Variants in GALNT10 observed in about 807,000 individuals in gnomAD.
GALNT10 encodes the protein GalNAc transferase 10.
In GALNT10, 41 loss-of-function variants were observed where a neutral mutation model predicts 75.0. That is an observed-to-expected ratio of 0.55 (90% CI 0.43 to 0.71). The LOEUF is 0.71. Among genes scored for constraint, GALNT10 ranks in the 30% least tolerant of loss-of-function variants. The probability of loss-of-function intolerance (pLI) is 0.00; values close to 1 mark genes in which losing one functional copy is unlikely to be tolerated. For missense variants in GALNT10, 727 were observed against 818.5 expected (o/e 0.89, Z 1.36); for synonymous variants, 302 against 313.0 (o/e 0.96, Z 0.37).
At chr5:154,355,922 G>A (rs1278425286) in intron 4 of GALNT10, among the ~76,000 whole-genome samples, 1 of 152,110 alleles carries the variant, frequency 6.6e-6, no homozygotes, top group Non-Finnish European at 1.5e-5. Context: ...TCTACACCAA[G>A]GCACCTACCT....
chr5:154,282,033 G>T (rs1425631958), intron 1 of GALNT10, among the ~76,000 whole-genome samples: 5 of 152,220 alleles, frequency 3.3e-5, no homozygotes, highest in Non-Finnish European at 7.3e-5. Flanking sequence ...AATGTATAAA[G>T]AAAAGAAGCG....
intron 3 of GALNT10, among the ~76,000 whole-genome samples, chr5:154,318,020 G>C (rs1754620081): frequency 6.6e-6 from 1 of 152,228 alleles, no homozygotes; most frequent in East Asian, 1.9e-4. Context: ...TCTCAGCAAA[G>C]ACTTTCTCTG....
chr5:154,366,784 A>G (rs992355475), intron 4 of GALNT10, among the ~76,000 whole-genome samples: 3 of 152,244 alleles, frequency 2.0e-5, no homozygotes, highest in African/African-American at 4.8e-5. Flanking sequence ...GTAATGATCT[A>G]TTGAGGTAAG....
At chr5:154,199,624 C>G (rs1041466524) in intron 1 of GALNT10, among the ~76,000 whole-genome samples, 1 of 152,212 alleles carries the variant, frequency 6.6e-6, no homozygotes, top group African/African-American at 2.4e-5. Flanking sequence ...GTCTGCTGCT[C>G]TTCCAGGATG....
At chr5:154,260,562 A>C (rs1200965266) in intron 1 of GALNT10, among the ~76,000 whole-genome samples, 1 of 152,200 alleles carries the variant, frequency 6.6e-6, no homozygotes, top group Non-Finnish European at 1.5e-5. Context: ...AAATGAATGC[A>C]AATGTTTCTA....
intron 4 of GALNT10, among the ~76,000 whole-genome samples, chr5:154,374,106 A>G (rs1755620351): frequency 6.6e-6 from 1 of 152,032 alleles, no homozygotes; most frequent in Non-Finnish European, 1.5e-5. Flanking sequence ...GCATATTTGG[A>G]GTGTGATCAT....
intron 10 of GALNT10, 47 bp from the exon 11 acceptor site, chr5:154,415,736 A>G (rs376648906): frequency 8.4e-6 from 13 of 1,538,746 alleles, no homozygotes; most frequent in African/African-American, 2.8e-5. Flanking sequence ...AGAAAAAAAG[A>G]AAGTCCTTGG....
At position 154,329,674 on chromosome 5, in the gene GALNT10, G is replaced by A. The variant is rs1367134651; in HGVS notation, c.504G>A (p.Val168=). ...WSSLLRTVHS[V]LNRSPPELVA... ...CCCTCCTCCGCACCGTCCACAGTGTGCTCAATCGCTCGCCTCCAGAGCTGG... is the reference window on the plus strand; with the variant it reads ...CCCTCCTCCGCACCGTCCACAGTGTACTCAATCGCTCGCCTCCAGAGCTGG... The change falls in exon 4 of 12, where the codon GTG becomes GTA. Residue 168 remains valine, a synonymous_variant. Transcript: ENST00000297107. 3.1e-6 allele frequency: 5 copies of A among 1,613,360 alleles called. No homozygotes were observed. The highest frequency in any genetic ancestry group is 4.2e-6 in the Non-Finnish European group (5 of 1,179,444).
At chr5:154,289,083 C>T (rs928658267) in intron 1 of GALNT10, among the ~76,000 whole-genome samples, 3 of 152,154 alleles carry the variant, frequency 2.0e-5, no homozygotes, top group Non-Finnish European at 2.9e-5. Context: ...GTTTCCTGTT[C>T]GCTCTCCTAT....
At chr5:154,319,428 T>A (rs920708330) in intron 3 of GALNT10, among the ~76,000 whole-genome samples, 3 of 152,224 alleles carry the variant, frequency 2.0e-5, no homozygotes, top group Non-Finnish European at 4.4e-5. Flanking sequence ...TTGAAATTTT[T>A]AAAAAATATT....
Position 154,402,275 on chromosome 5 carries a change from T to G in GALNT10, c.1057-1829T>G, listed in dbSNP as rs1164427413. ...CTCTGCTCCTGCCCTGGCTTTCTTT[T>G]TGATTATGCCAAGCTTGGCCCTGCC... On this transcript the variant is annotated intron_variant, in intron 7 of 11. Coordinates refer to ENST00000297107, the MANE Select transcript of GALNT10 (RefSeq NM_198321.4). The surrounding 1 kb of genome is among the most constrained non-coding windows in gnomAD (Gnocchi z 4.2). Among the ~76,000 whole-genome samples the G allele has an allele frequency of 6.6e-6, 1 of 152,198 alleles. No homozygotes were observed. Among genetic ancestry groups the G allele is most frequent in the Admixed American group, 6.5e-5 (1 of 15,282 alleles).
At chr5:154,413,772 A>T (rs1423531043) in intron 10 of GALNT10, among the ~76,000 whole-genome samples, 1 of 152,246 alleles carries the variant, frequency 6.6e-6, no homozygotes, top group Admixed American at 6.5e-5. Context: ...GGGATAAACA[A>T]TTATATTTTA....
chr5:154,197,256 C>G (rs994118050), intron 1 of GALNT10, among the ~76,000 whole-genome samples: 2 of 152,106 alleles, frequency 1.3e-5, no homozygotes, highest in African/African-American at 4.8e-5. Context: ...ACAGACGTCC[C>G]GAGAACTGTC....
rs1754113082 is a variant in GALNT10 at position 154,286,416 on chromosome 5, T to C, written c.160-8400T>C. ...TTTTTTTTTTCCCAGTGATAAAACATTTGGGCACTTATCCTGAAGAAAGTG... is the reference window on the plus strand; with the variant it reads ...TTTTTTTTTTCCCAGTGATAAAACACTTGGGCACTTATCCTGAAGAAAGTG... On this transcript the variant is annotated intron_variant, in intron 1 of 11. Transcript: ENST00000297107. Among the ~76,000 whole-genome samples the C allele has an allele frequency of 5.4e-5, 8 of 148,288 alleles. No homozygotes were observed. In the South Asian group the frequency reaches 1.6e-3, roughly 30 times the overall value.
At chr5:154,386,617 G>GGGGGGGGGTC in intron 7 of GALNT10, 187 bp downstream of exon 7, 1 of 365,832 alleles carries the variant, frequency 2.7e-6, no homozygotes, top group Non-Finnish European at 5.3e-6. Context: ...GGGGGTGTGG[G>GGGGGGGGGTC]AGGGAAGGGG....
At chr5:154,407,724 C>G (rs1046792544) in intron 8 of GALNT10, among the ~76,000 whole-genome samples, 23 of 152,222 alleles carry the variant, frequency 1.5e-4, no homozygotes, top group Admixed American at 1.1e-3. Flanking sequence ...TCAACTTCCT[C>G]TAGCACAGTT....
intron 3 of GALNT10, among the ~76,000 whole-genome samples, chr5:154,317,379 A>G (rs762645810): frequency 4.6e-5 from 7 of 152,172 alleles, no homozygotes; most frequent in Non-Finnish European, 7.3e-5. Flanking sequence ...CTCCAGCATT[A>G]AGCCCTGATG....
intron 4 of GALNT10, among the ~76,000 whole-genome samples, chr5:154,330,873 T>A (rs1754846855): frequency 2.7e-5 from 4 of 150,752 alleles, no homozygotes; most frequent in Admixed American, 2.6e-4. Flanking sequence ...CTTAATTACA[T>A]GCGTTTAGTA....
At chr5:154,396,978 T>C (rs1756029907) in intron 7 of GALNT10, among the ~76,000 whole-genome samples, 4 of 151,806 alleles carry the variant, frequency 2.6e-5, no homozygotes, top group African/African-American at 9.7e-5. Context: ...AATACAAAAA[T>C]CAGCTGGGCA....
Sources: allele counts gnomAD v4.1 joint callset (sites outside exome capture counted in the v4.1 genomes callset), GRCh38; gene constraint gnomAD v4.1.1; non-coding constraint Gnocchi (gnomAD v3.1); transcripts MANE v1.5; gene names NCBI Gene and HGNC (gene_info 2026-07-23, HGNC 2026-07-21).